CACNA1C: variants seen among roughly 807,000 people sequenced by gnomAD.
CACNA1C encodes voltage-dependent L-type calcium channel subunit alpha-1C.
Under a neutral mutation model 229.0 loss-of-function variants are expected in CACNA1C, and 30 were observed. The ratio of observed to expected loss-of-function variants is 0.13; its 90% CI spans 0.10 to 0.18. The LOEUF is 0.18. Among genes scored for constraint, CACNA1C ranks in the 10% least tolerant of loss-of-function variants. The pLI is 1.00. For synonymous variants in CACNA1C, 1,114 were observed against 1,132.5 expected (o/e 0.98, Z 0.33); for missense variants, 1,658 against 2,845.0 (o/e 0.58, Z 9.49).
At chr12:2,134,074 C>G (rs2092840243) in intron 3 of CACNA1C, among the ~76,000 whole-genome samples, 1 of 15,160 alleles carries the variant, frequency 6.6e-5, no homozygotes, top group South Asian at 2.0e-3. Context: ...CCTTCTTTGT[C>G]TCTTTTGATC....
intron 3 of CACNA1C, among the ~76,000 whole-genome samples, chr12:2,193,492 A>G (rs2097306137): frequency 6.6e-6 from 1 of 152,198 alleles, no homozygotes; most frequent in Non-Finnish European, 1.5e-5. Context: ...TAAAGGTTCC[A>G]TGCACTCCTT....
In CACNA1C at chr12:2,144,520, G is replaced by A. The variant is rs147565028; in HGVS notation, c.477+24090G>A. ...CACACACAGTTCCTGCCTTCATAGG[G>A]CATCCTTCTATCTAAGGGAGACAGG... On this transcript the variant is annotated intron_variant, in intron 3 of 46. Coordinates refer to ENST00000399655, the MANE Select transcript of CACNA1C (RefSeq NM_000719.7). 3.0e-3 allele frequency among the ~76,000 whole-genome samples: 453 copies of A among 151,350 alleles called. 28 individuals carry two copies. In the East Asian group the frequency reaches 0.035, roughly 12 times the overall value.
intron 3 of CACNA1C, among the ~76,000 whole-genome samples, chr12:2,201,160 TCTCTCCA>T (rs1284167414): frequency 6.6e-6 from 1 of 152,152 alleles, no homozygotes; most frequent in Non-Finnish European, 1.5e-5. Flanking sequence ...TACAGCTTTG[TCTCTCCA>T]CTCAGTGCTC....
intron 29 of CACNA1C, among the ~76,000 whole-genome samples, chr12:2,626,200 C>T (rs2086401301): frequency 1.3e-5 from 2 of 152,352 alleles, no homozygotes; most frequent in South Asian, 4.1e-4. Context: ...CCACAGCCAC[C>T]TCTGCCCAGC....
intron 3 of CACNA1C, among the ~76,000 whole-genome samples, chr12:2,151,029 T>A (rs2095207151): frequency 6.6e-6 from 1 of 152,228 alleles, no homozygotes; most frequent in South Asian, 2.1e-4. Flanking sequence ...TTGGTCTGTC[T>A]GTGGCAATTA....
intron 9 of CACNA1C, chr12:2,547,595 C>T (rs983342766): frequency 1.1e-5 from 8 of 759,396 alleles, no homozygotes; most frequent in African/African-American, 8.5e-5. Flanking sequence ...GAAGGTGTCT[C>T]TCTTGATGGC....
chr12:2,308,809 G>A (rs1450266237), intron 3 of CACNA1C, among the ~76,000 whole-genome samples: 1 of 152,154 alleles, frequency 6.6e-6, no homozygotes, highest in Non-Finnish European at 1.5e-5. Context: ...ACACCTGTCA[G>A]AATGGCTATC....
At chr12:2,088,391 A>T (rs1321486084) in intron 1 of CACNA1C, among the ~76,000 whole-genome samples, 1 of 152,172 alleles carries the variant, frequency 6.6e-6, no homozygotes, top group Non-Finnish European at 1.5e-5. Flanking sequence ...GGCCGTGAAC[A>T]CGGTGGTTAG....
At chr12:2,469,625 A>C (rs1331203639) in intron 5 of CACNA1C, among the ~76,000 whole-genome samples, 1 of 152,220 alleles carries the variant, frequency 6.6e-6, no homozygotes, top group South Asian at 2.1e-4. Flanking sequence ...GTTGGAGGAT[A>C]ATGGAAAAGC....
At chr12:2,622,186 T>C (rs2083608670) in intron 29 of CACNA1C, among the ~76,000 whole-genome samples, 1 of 152,146 alleles carries the variant, frequency 6.6e-6, no homozygotes, top group South Asian at 2.1e-4. Context: ...CCTCCAGGCC[T>C]TCTAGAAACT....
At chr12:2,638,476 AGGG>A (rs1471415084) in intron 30 of CACNA1C, among the ~76,000 whole-genome samples, 3 of 152,186 alleles carry the variant, frequency 2.0e-5, no homozygotes, top group African/African-American at 7.2e-5. Context: ...CTGAGCAAGA[AGGG>A]GACATACTGG....
At chr12:2,473,619 C>G (rs1211312080) in intron 5 of CACNA1C, among the ~76,000 whole-genome samples, 1 of 152,110 alleles carries the variant, frequency 6.6e-6, no homozygotes, top group Non-Finnish European at 1.5e-5. Flanking sequence ...ATTGCATTTT[C>G]TCATCCAATG....
At chr12:2,680,631 C>G (rs2097102272) in intron 42 of CACNA1C, 1 of 1,430,860 alleles carries the variant, frequency 7.0e-7, no homozygotes, top group Non-Finnish European at 9.6e-7. Flanking sequence ...AGCAGCTTCC[C>G]TCTAAACCCC....
intron 1 of CACNA1C, among the ~76,000 whole-genome samples, chr12:2,083,282 G>T (rs528654051): frequency 2.6e-5 from 4 of 152,230 alleles, no homozygotes; most frequent in Non-Finnish European, 5.9e-5. Context: ...TGCTGCTGAT[G>T]GAAGCCATGG....
In CACNA1C at chr12:2,576,348, G is replaced by A. The variant is rs550392713; in HGVS notation, c.1896-5242G>A. ...GATCTAGAGCTGGACACCGGCACCC[G>A]GGTGCTGTAGAGCCCACAGTACTGA... On this transcript the variant is annotated intron_variant, in intron 13 of 46. Coordinates refer to ENST00000399655, the MANE Select transcript of CACNA1C (RefSeq NM_000719.7). 9.2e-5 allele frequency among the ~76,000 whole-genome samples: 14 copies of A among 152,236 alleles called. No individual in the cohort carries two copies. In the Middle Eastern group the frequency reaches 0.01, roughly 111 times the overall value.
chr12:2,374,241 G>A (rs1300674537), intron 3 of CACNA1C, among the ~76,000 whole-genome samples: 1 of 152,194 alleles, frequency 6.6e-6, no homozygotes, highest in Non-Finnish European at 1.5e-5. Flanking sequence ...CTGGTATGCT[G>A]GAATTTTTTA....
At chr12:2,578,710 G>A (rs568549479) in intron 13 of CACNA1C, among the ~76,000 whole-genome samples, 21 of 152,286 alleles carry the variant, frequency 1.4e-4, no homozygotes, top group Admixed American at 3.3e-4. Flanking sequence ...TCCTTGAGAC[G>A]GGGAAGGTGA....
At chr12:2,002,987 A>T (rs2042534704) in intron 1 of CACNA1C, among the ~76,000 whole-genome samples, 1 of 152,184 alleles carries the variant, frequency 6.6e-6, no homozygotes, top group South Asian at 2.1e-4. Context: ...CCTGATCAAG[A>T]GGTACACTTT....
In CACNA1C at chr12:2,300,783, T is replaced by C. The variant is rs185749862; in HGVS notation, c.478-148193T>C. On this transcript the variant is annotated intron_variant, in intron 3 of 46. Transcript: ENST00000399655. ...TTGTGTCACTAGGACTCTCCAGGGC[T>C]AGATGATTCAAGGATGGCAACACAA... 1.8e-4 allele frequency among the ~76,000 whole-genome samples: 27 copies of C among 152,254 alleles called. No homozygotes were observed. The East Asian group carries it at 4.3e-3, about 24-fold the overall frequency.
Sources: allele counts gnomAD v4.1 joint callset (sites outside exome capture counted in the v4.1 genomes callset), GRCh38; gene constraint gnomAD v4.1.1; transcripts MANE v1.5; gene names NCBI Gene and HGNC (gene_info 2026-07-23, HGNC 2026-07-21).